PLEKHA7: variants seen among roughly 807,000 people sequenced by gnomAD.
PLEKHA7 encodes the protein pleckstrin homology domain containing A7.
PLEKHA7 carries 104 observed loss-of-function variants against 170.0 expected under a neutral mutation model. The observed-to-expected ratio is 0.61, with a 90% CI of 0.52 to 0.72. PLEKHA7 has a LOEUF of 0.72. Ranked by LOEUF, PLEKHA7 falls within the 30% of genes least tolerant of loss-of-function variation. PLEKHA7 has a pLI of 0.00. For synonymous variants in PLEKHA7, 648 were observed against 660.8 expected (o/e 0.98, Z 0.30); for missense variants, 1,615 against 1,671.7 (o/e 0.97, Z 0.59).
chr11:16,797,202 A>T (rs1848292817), intron 17 of PLEKHA7, among the ~76,000 whole-genome samples: 1 of 152,186 alleles, frequency 6.6e-6, no homozygotes, highest in African/African-American at 2.4e-5. Context: ...GGGTTAAGGG[A>T]CTACGGCCAT....
At chr11:16,984,073 G>T (rs536314788) in intron 3 of PLEKHA7, among the ~76,000 whole-genome samples, 1 of 151,804 alleles carries the variant, frequency 6.6e-6, no homozygotes, top group Non-Finnish European at 1.5e-5. Context: ...AAAATAAAAA[G>T]AATTTTAAAA....
At chr11:16,855,146 T>G (rs1191101537) in intron 5 of PLEKHA7, among the ~76,000 whole-genome samples, 153 bp from the exon 6 acceptor site, 1 of 152,050 alleles carries the variant, frequency 6.6e-6, no homozygotes, top group African/African-American at 2.4e-5. Context: ...GGAACGGGCG[T>G]GCACATGGCC....
chr11:16,894,231 G>A (rs1157499903), intron 3 of PLEKHA7, among the ~76,000 whole-genome samples: 1 of 152,186 alleles, frequency 6.6e-6, no homozygotes, highest in Non-Finnish European at 1.5e-5. Context: ...TAATCAGGGA[G>A]GGGCTCTCAC....
intron 3 of PLEKHA7, among the ~76,000 whole-genome samples, chr11:16,968,619 T>C (rs775638967): frequency 6.6e-6 from 1 of 152,220 alleles, no homozygotes; most frequent in Non-Finnish European, 1.5e-5. Flanking sequence ...TTTGTGTTTC[T>C]TGCTTACAAT....
At chr11:16,903,959 G>A (rs1024688798) in intron 3 of PLEKHA7, among the ~76,000 whole-genome samples, 2 of 152,136 alleles carry the variant, frequency 1.3e-5, no homozygotes, top group East Asian at 1.9e-4. Context: ...TCTTCAACAT[G>A]GTACAAAGAT....
At chr11:16,879,118 G>A (rs893041479) in intron 3 of PLEKHA7, among the ~76,000 whole-genome samples, 2 of 152,146 alleles carry the variant, frequency 1.3e-5, no homozygotes, top group Non-Finnish European at 2.9e-5. Flanking sequence ...TCTCCTTTGC[G>A]TGAACTGGGA....
chr11:16,838,055 A>C (rs1851656690), intron 9 of PLEKHA7, among the ~76,000 whole-genome samples: 1 of 152,236 alleles, frequency 6.6e-6, no homozygotes, highest in Non-Finnish European at 1.5e-5. Context: ...GGAAAAACAA[A>C]TTCCATAGCC....
chr11:16,904,234 A>G (rs1234540651), intron 3 of PLEKHA7, among the ~76,000 whole-genome samples: 1 of 152,214 alleles, frequency 6.6e-6, no homozygotes, highest in African/African-American at 2.4e-5. Flanking sequence ...TGCACAAGCA[A>G]CATCTGAGTG....
chr11:16,894,297 A>G (rs1856862713), intron 3 of PLEKHA7, among the ~76,000 whole-genome samples: 1 of 152,094 alleles, frequency 6.6e-6, no homozygotes, highest in Non-Finnish European at 1.5e-5. Flanking sequence ...CTCCACCCAA[A>G]CCAGTTTCCT....
intron 3 of PLEKHA7, among the ~76,000 whole-genome samples, chr11:16,891,113 C>G (rs1264251332): frequency 1.8e-5 from 2 of 113,434 alleles, no homozygotes; most frequent in African/African-American, 2.7e-5. Flanking sequence ...TGGGGTCTTG[C>G]TATGTTTCCC....
chr11:16,822,845 A>G (rs1359729611), intron 10 of PLEKHA7, among the ~76,000 whole-genome samples: 2 of 152,148 alleles, frequency 1.3e-5, no homozygotes, highest in African/African-American at 4.8e-5. Context: ...ACCCAGACCA[A>G]TGGAGTCAGA....
chr11:16,875,446 C>CT (rs59524843), intron 3 of PLEKHA7, among the ~76,000 whole-genome samples: 114,872 of 149,572 alleles, frequency 0.77, 45,844 homozygotes, highest in Non-Finnish European at 0.9. Context: ...AATTTCTTTC[C>CT]TTTTTTTTTC....
rs1225210517 is a variant in PLEKHA7 at position 16,950,355 on chromosome 11, G to A, written c.221+63634C>T. Among the ~76,000 whole-genome samples, 6 of 152,266 alleles carry A rather than the reference G, an allele frequency of 3.9e-5. No individual in the cohort carries two copies. In the East Asian group the frequency reaches 1.2e-3, roughly 29 times the overall value. ...GATGGAAAGAGATCCCAATCAGGAA[G>A]TTTCAGGGATCCCAGTTCTTCCTGG... On this transcript the variant is annotated intron_variant, in intron 3 of 26. Coordinates refer to ENST00000531066, the MANE Select transcript of PLEKHA7 (RefSeq NM_001329630.2).
intron 13 of PLEKHA7, among the ~76,000 whole-genome samples, chr11:16,809,031 A>G (rs1849179317): frequency 6.6e-6 from 1 of 151,880 alleles, no homozygotes. Context: ...AGAGGATTCA[A>G]TGAGATAAAT....
At chr11:16,895,023 G>C (rs1856912400) in intron 3 of PLEKHA7, among the ~76,000 whole-genome samples, 1 of 152,150 alleles carries the variant, frequency 6.6e-6, no homozygotes, top group Non-Finnish European at 1.5e-5. Flanking sequence ...TACACAGCTA[G>C]TAGGAACAGA....
At chr11:16,819,516 C>A (rs1440443132) in intron 10 of PLEKHA7, among the ~76,000 whole-genome samples, 2 of 152,202 alleles carry the variant, frequency 1.3e-5, no homozygotes, top group African/African-American at 4.8e-5. Context: ...GTCAGACAGG[C>A]TTGAGGTCAA....
intron 3 of PLEKHA7, among the ~76,000 whole-genome samples, chr11:16,892,491 G>A (rs1856718930): frequency 6.7e-6 from 1 of 148,436 alleles, no homozygotes; most frequent in South Asian, 2.2e-4. Flanking sequence ...TGTCACCCAG[G>A]ATGGAGTGCA....
intron 3 of PLEKHA7, among the ~76,000 whole-genome samples, chr11:16,923,353 C>A (rs1859240412): frequency 6.6e-6 from 1 of 152,192 alleles, no homozygotes; most frequent in African/African-American, 2.4e-5. Context: ...GAAGGTGGCA[C>A]TCTACAAGCA....
intron 3 of PLEKHA7, among the ~76,000 whole-genome samples, chr11:17,006,413 G>A (rs1312541215): frequency 2.6e-5 from 4 of 151,010 alleles, no homozygotes; most frequent in Non-Finnish European, 4.4e-5. Context: ...GATTGCCTGA[G>A]GTTAGGAGTT....
Sources: allele counts gnomAD v4.1 joint callset (sites outside exome capture counted in the v4.1 genomes callset), GRCh38; gene constraint gnomAD v4.1.1; transcripts MANE v1.5; gene names NCBI Gene and HGNC (gene_info 2026-07-23, HGNC 2026-07-21).